GREB1L: variants seen among roughly 807,000 people sequenced by gnomAD.
GREB1L encodes the protein GREB1 like retinoic acid receptor coactivator, also known as GREB1-like protein.
Under a neutral mutation model 200.8 loss-of-function variants are expected in GREB1L, and 17 were observed. That is an observed-to-expected ratio of 0.08 (90% CI 0.06 to 0.13). GREB1L has a LOEUF of 0.13. Ranked by LOEUF, GREB1L falls within the 10% of genes least tolerant of loss-of-function variation. The pLI, the probability that GREB1L is intolerant of heterozygous loss-of-function variation, is 1.00. For missense variants in GREB1L, 1,657 were observed against 2,367.7 expected, an observed-to-expected ratio of 0.70 and a Z score of 6.23; for synonymous variants, 789 against 893.0, an observed-to-expected ratio of 0.88 and a Z score of 2.08.
intron 8 of GREB1L, 21 bp downstream of exon 8, chr18:21,439,658 T>C: frequency 7.0e-7 from 1 of 1,420,360 alleles, no homozygotes; most frequent in South Asian, 1.2e-5. Context: ...TGTCGTAGAG[T>C]TTTGTAATAA....
chr18:21,280,043 C>T (rs559376731), intron 1 of GREB1L, among the ~76,000 whole-genome samples: 1 of 152,256 alleles, frequency 6.6e-6, no homozygotes, highest in South Asian at 2.1e-4. Flanking sequence ...ACATTATTAA[C>T]TAAAATTCAT....
At chr18:21,257,463 G>A (rs913503159) in intron 1 of GREB1L, among the ~76,000 whole-genome samples, 10 of 152,122 alleles carry the variant, frequency 6.6e-5, no homozygotes, top group African/African-American at 2.4e-4. Flanking sequence ...CATATCAGTA[G>A]GTATTAAATG....
chr18:21,303,612 A>G (rs1044655157), intron 1 of GREB1L, among the ~76,000 whole-genome samples: 3 of 152,186 alleles, frequency 2.0e-5, no homozygotes, highest in Admixed American at 6.5e-5. Flanking sequence ...TTGCACTTCA[A>G]AAAGATCTAA....
Position 21,518,216 on chromosome 18 carries a change from C to T in GREB1L, c.5454C>T (p.Tyr1818=). The change falls in exon 31 of 33, where the codon TAC becomes TAT. Residue 1818 remains tyrosine (Y), a synonymous_variant. Transcript: ENST00000424526. ...GTCCTGTGCTGGCCATTGACTGCTACCTTAACATTGGACCAGAGGTAAAAA... is the reference window on the plus strand; with the variant it reads ...GTCCTGTGCTGGCCATTGACTGCTATCTTAACATTGGACCAGAGGTAAAAA... ...FRSPVLAIDC[Y]LNIGPEVAIC... is the part of the protein sequence containing the mutation. 1 of 1,551,604 alleles carries T rather than the reference C, an allele frequency of 6.4e-7. No individual in the cohort carries two copies.
chr18:21,379,686 T>G (rs2040224373), intron 2 of GREB1L, among the ~76,000 whole-genome samples: 1 of 152,208 alleles, frequency 6.6e-6, no homozygotes, highest in African/African-American at 2.4e-5. Flanking sequence ...CTGGTCCTTT[T>G]CTCTCTTTAG....
chr18:21,413,241 T>C (rs2031264218), intron 7 of GREB1L, among the ~76,000 whole-genome samples: 2 of 152,188 alleles, frequency 1.3e-5, no homozygotes, highest in African/African-American at 4.8e-5. Context: ...ACATAGCCTA[T>C]CACTTTGTTT....
intron 2 of GREB1L, among the ~76,000 whole-genome samples, chr18:21,366,488 T>G (rs2143649960): frequency 6.6e-6 from 1 of 152,306 alleles, no homozygotes; most frequent in East Asian, 1.9e-4. Context: ...AATACCCAGA[T>G]TATCCCTATT....
intron 15 of GREB1L, among the ~76,000 whole-genome samples, chr18:21,466,615 T>G (rs762618958): frequency 6.6e-6 from 1 of 152,076 alleles, no homozygotes; most frequent in Non-Finnish European, 1.5e-5. Flanking sequence ...AATACCTAAA[T>G]AAATGAAAAG....
In GREB1L at chr18:21,515,541, C is replaced by G. The variant is rs1308258302; in HGVS notation, c.5026C>G (p.Leu1676Val). 1.3e-6 allele frequency: 2 copies of G among 1,551,564 alleles called. No homozygotes were observed. Among genetic ancestry groups the G allele is most frequent in the Non-Finnish European group, 1.7e-6 (2 of 1,146,968 alleles). The change falls in exon 29 of 33, where the codon CTG (leucine) becomes GTG (valine). Residue 1676 changes from leucine (L) to valine (V), a missense_variant. This residue lies in a region of GREB1L where 151 missense variants were observed against 309.6 expected (regional missense o/e 0.49). Transcript: ENST00000424526. Reference protein sequence around the residue: ...ILGIQKWSSKLTSQSLKAPFS... With the variant: ...ILGIQKWSSKVTSQSLKAPFS... Reference sequence around the variant, plus strand: ...GGGCATACAGAAATGGAGCAGCAAGCTGACTTCTCAGAGCCTAAAGGCCCC... The same window carrying G: ...GGGCATACAGAAATGGAGCAGCAAGGTGACTTCTCAGAGCCTAAAGGCCCC...
intron 7 of GREB1L, among the ~76,000 whole-genome samples, chr18:21,432,162 A>G (rs1262088185): frequency 6.6e-6 from 1 of 151,872 alleles, no homozygotes; most frequent in African/African-American, 2.4e-5. Context: ...TGACTTCATG[A>G]TCCGCCCACC....
intron 1 of GREB1L, among the ~76,000 whole-genome samples, chr18:21,342,271 G>A (rs547293694): frequency 2.0e-5 from 3 of 152,152 alleles, no homozygotes; most frequent in East Asian, 3.9e-4. Context: ...AGAGAAAAAG[G>A]CCACTGTGTC....
intron 1 of GREB1L, among the ~76,000 whole-genome samples, chr18:21,266,063 G>C (rs1247845087): frequency 6.6e-6 from 1 of 152,130 alleles, no homozygotes; most frequent in Non-Finnish European, 1.5e-5. Flanking sequence ...GTTCATGCTA[G>C]TTTCCCAGCC....
At chr18:21,476,048 C>T (rs1434523753) in intron 16 of GREB1L, among the ~76,000 whole-genome samples, 3 of 139,184 alleles carry the variant, frequency 2.2e-5, no homozygotes, top group East Asian at 2.4e-4. Context: ...TAGTAATTAT[C>T]TGGTAGGGGG....
intron 15 of GREB1L, among the ~76,000 whole-genome samples, chr18:21,466,323 A>T (rs1273358165): frequency 6.6e-6 from 1 of 152,138 alleles, no homozygotes; most frequent in African/African-American, 2.4e-5. Context: ...AAATTTTACC[A>T]AAGAATGCTA....
chr18:21,333,105 C>T lies in GREB1L; in HGVS notation c.-119-32922C>T, dbSNP rs183890676. ...TAATACACACACACGCGCGCGCGCGCGCGCACATACGGTCTCTCTTATTTC... is the reference window on the plus strand; with the variant it reads ...TAATACACACACACGCGCGCGCGCGTGCGCACATACGGTCTCTCTTATTTC... On this transcript the variant is annotated intron_variant, in intron 1 of 32. Coordinates refer to ENST00000424526, the MANE Select transcript of GREB1L (RefSeq NM_001142966.3). 7.9e-5 allele frequency among the ~76,000 whole-genome samples: 12 copies of T among 152,088 alleles called. No individual in the cohort carries two copies. In the East Asian group the frequency reaches 1.2e-3, roughly 15 times the overall value.
rs190642074 is a variant in GREB1L, at chr18:21,259,743, C to T, written c.-120+17350C>T. 7.2e-5 allele frequency among the ~76,000 whole-genome samples: 11 copies of T among 151,990 alleles called. No individual in the cohort carries two copies. In the East Asian group the frequency reaches 1.7e-3, roughly 24 times the overall value. The stretch of plus-strand genomic sequence containing the variant: ...TTTAACTTGTTCATGAGGCATCGAA[C>T]GTATTATAAAATTTGAAATGGTATT... On this transcript the variant is annotated intron_variant, in intron 1 of 32. Transcript: ENST00000424526.
At chr18:21,404,983 A>C (rs1428096856) in intron 7 of GREB1L, among the ~76,000 whole-genome samples, 3 of 152,182 alleles carry the variant, frequency 2.0e-5, no homozygotes, top group African/African-American at 7.2e-5. Flanking sequence ...AATTGTTTCT[A>C]CTTATTTTCA....
At chr18:21,354,489 G>A (rs2039476997) in intron 1 of GREB1L, among the ~76,000 whole-genome samples, 1 of 152,166 alleles carries the variant, frequency 6.6e-6, no homozygotes, top group African/African-American at 2.4e-5. Context: ...TACAGTAGGT[G>A]CTGTGATTTC....
Position 21,523,043 on chromosome 18 carries a change from C to G in GREB1L, c.*222C>G. 2.2e-6 allele frequency: 1 copy of G among 449,146 alleles called. No individual in the cohort carries two copies. The highest frequency in any genetic ancestry group is 3.9e-6 in the Non-Finnish European group (1 of 254,882). The allele number at this position is 449,146 out of a possible 1,614,324, so 27.8% of individuals were successfully genotyped here. ...CCCTTAAATTCAGGTAAACTCTATC[C>G]TAGGCAGTTATGCAATTACTTAAGA... On this transcript the variant is annotated 3_prime_UTR_variant, in exon 33 of 33. Transcript: ENST00000424526.
Sources: gnomAD v4.1 joint callset for allele counts (sites outside exome capture counted in the v4.1 genomes callset) on GRCh38, gnomAD v4.1.1 for gene constraint, gnomAD v4.1.1 regional missense constraint, MANE v1.5 for transcripts, NCBI Gene and HGNC (gene_info 2026-07-23, HGNC 2026-07-21) for gene names.